The following ME1 variants were observed in gnomAD, a reference collection of about 807,000 sequenced individuals.
ME1 encodes malic enzyme 1, also known as NADP-dependent malic enzyme.
Under a neutral mutation model 66.4 loss-of-function variants are expected in ME1, and 74 were observed. That is an observed-to-expected ratio of 1.11 (90% CI 0.92 to 1.35). ME1 has a LOEUF of 1.35. Ranked by LOEUF, ME1 falls within the 40% of genes most tolerant of loss-of-function variation. ME1 has a pLI of 0.00. For missense variants in ME1, 750 were observed against 694.1 expected, an observed-to-expected ratio of 1.08 and a Z score of -0.90; for synonymous variants, 251 against 235.6, an observed-to-expected ratio of 1.07 and a Z score of -0.60.
chr6:83,254,034 T>C (rs990611726), intron 6 of ME1, among the ~76,000 whole-genome samples: 5 of 152,068 alleles, frequency 3.3e-5, no homozygotes, highest in Non-Finnish European at 5.9e-5. Context: ...TAAGAAGTAA[T>C]ATAAAAGTGG....
At chr6:83,287,271 A>G (rs1316889994) in intron 6 of ME1, among the ~76,000 whole-genome samples, 1 of 152,140 alleles carries the variant, frequency 6.6e-6, no homozygotes. Context: ...TGTCACCTAC[A>G]TTAGGTATTT....
intron 5 of ME1, among the ~76,000 whole-genome samples, chr6:83,325,060 A>G (rs1170343): frequency 0.33 from 49,484 of 152,050 alleles, 8,451 homozygotes; most frequent in Middle Eastern, 0.49. Context: ...CTGGTTCAAC[A>G]TATGCGAATC....
intron 3 of ME1, among the ~76,000 whole-genome samples, chr6:83,375,582 T>C (rs1430865434): frequency 6.6e-6 from 1 of 152,180 alleles, no homozygotes; most frequent in Non-Finnish European, 1.5e-5. Context: ...GAATACCTTT[T>C]ATTTCTTTCT....
At chr6:83,328,570 G>T (rs1229847479) in intron 5 of ME1, among the ~76,000 whole-genome samples, 1 of 152,038 alleles carries the variant, frequency 6.6e-6, no homozygotes, top group Non-Finnish European at 1.5e-5. Flanking sequence ...CATTCTCAGA[G>T]ATTTGGCTGA....
rs529115874 is a variant in ME1, at chr6:83,346,953, T to G, written c.439-619A>C. On this transcript the variant is annotated intron_variant, in intron 4 of 13. Transcript: ENST00000369705. ...TCCTTCCTTCCTTCTTTTATCTTTC[T>G]TTTTTTTCCCTTTTTTCCGAGACGG... 3.3e-5 allele frequency among the ~76,000 whole-genome samples: 5 copies of G among 151,970 alleles called. No homozygotes were observed. In the East Asian group the frequency reaches 9.7e-4, roughly 29 times the overall value.
intron 1 of ME1, among the ~76,000 whole-genome samples, chr6:83,414,620 AAAAG>A (rs1422454279): frequency 6.6e-6 from 1 of 152,108 alleles, no homozygotes; most frequent in Non-Finnish European, 1.5e-5. Flanking sequence ...TTTTTTTAAA[AAAAG>A]AAAGAACACC....
chr6:83,314,692 A>G (rs1235390971), intron 6 of ME1, among the ~76,000 whole-genome samples: 1 of 152,190 alleles, frequency 6.6e-6, no homozygotes, highest in Non-Finnish European at 1.5e-5. Context: ...AATATTTCAA[A>G]ATCTGCATAA....
chr6:83,242,586 A>G (rs901343452), intron 7 of ME1, among the ~76,000 whole-genome samples: 4 of 152,174 alleles, frequency 2.6e-5, no homozygotes, highest in African/African-American at 9.7e-5. Context: ...GAGTAGGAAA[A>G]GCATATGCAA....
At chr6:83,311,764 G>T (rs1371128365) in intron 6 of ME1, among the ~76,000 whole-genome samples, 2 of 152,082 alleles carry the variant, frequency 1.3e-5, no homozygotes, top group Non-Finnish European at 2.9e-5. Flanking sequence ...CTAAGACCAG[G>T]TGAGAATGCT....
At chr6:83,265,548 G>A (rs1471905184) in intron 6 of ME1, among the ~76,000 whole-genome samples, 1 of 152,012 alleles carries the variant, frequency 6.6e-6, no homozygotes, top group African/African-American at 2.4e-5. Context: ...CTATTCACCC[G>A]CCTTAGCCTC....
In ME1 at chr6:83,345,981, T is replaced by C. The variant is rs1768677106; in HGVS notation, c.600+192A>G. Reference sequence around the variant, plus strand: ...ACTAGGGAAGCAAATAAAAGATTAATCACGTTATTAAGATGGGAAAAGGAG... The same window carrying C: ...ACTAGGGAAGCAAATAAAAGATTAACCACGTTATTAAGATGGGAAAAGGAG... On this transcript the variant is annotated intron_variant, in intron 5 of 13. Transcript: ENST00000369705. 2.0e-5 allele frequency among the ~76,000 whole-genome samples: 3 copies of C among 152,068 alleles called. 1 individual carries two copies. In the South Asian group the frequency reaches 6.2e-4, roughly 32 times the overall value.
chr6:83,284,822 C>A (rs948191120), intron 6 of ME1, among the ~76,000 whole-genome samples: 66 of 152,078 alleles, frequency 4.3e-4, no homozygotes, highest in African/African-American at 1.4e-3. Flanking sequence ...CCACTCCTAT[C>A]CAACATAGTA....
chr6:83,303,984 T>C (rs1321779627), intron 6 of ME1, among the ~76,000 whole-genome samples: 1 of 152,182 alleles, frequency 6.6e-6, no homozygotes, highest in African/African-American at 2.4e-5. Context: ...CCAGCCTACA[T>C]CTTTTAACTA....
chr6:83,374,636 T>C (rs1769254293), intron 3 of ME1, among the ~76,000 whole-genome samples: 1 of 152,210 alleles, frequency 6.6e-6, no homozygotes, highest in East Asian at 1.9e-4. Context: ...AATGTTGCAA[T>C]TGCTTTTGGC....
chr6:83,293,597 C>CA lies in ME1; in HGVS notation c.704+21712dup, dbSNP rs879404278. Among the ~76,000 whole-genome samples the CA allele has an allele frequency of 1.3e-3, 200 of 151,228 alleles. 1 individual carries two copies. The Middle Eastern group carries it at 0.017, about 13-fold the overall frequency. On this transcript the variant is annotated intron_variant, in intron 6 of 13. Coordinates refer to ENST00000369705, the MANE Select transcript of ME1 (RefSeq NM_002395.6). ...GCCATGCCTAGAGCTTTAACCAGAA[C>CA]AAAAAAAAATTAACTGAATAGAATA...
At chr6:83,272,139 C>T (rs1144190) in intron 6 of ME1, among the ~76,000 whole-genome samples, 32,866 of 151,952 alleles carry the variant, frequency 0.22, 4,031 homozygotes, top group Middle Eastern at 0.39. Flanking sequence ...TTTTTGTACC[C>T]GTTTTAAAAT....
chr6:83,424,010 C>T lies in ME1; in HGVS notation c.78+6867G>A, dbSNP rs116558528. Among the ~76,000 whole-genome samples the T allele has an allele frequency of 5.9e-3, 869 of 146,508 alleles. 9 individuals carry two copies. The highest frequency in any genetic ancestry group is 0.021 in the African/African-American group (826 of 39,674). On this transcript the variant is annotated intron_variant, in intron 1 of 13. Transcript: ENST00000369705. Reference sequence around the variant, plus strand: ...CTGAAGTTCCAGCTACTCAAGAGGACGGACTGAGTCTGGGAGGTCAAGGCT... The same window carrying T: ...CTGAAGTTCCAGCTACTCAAGAGGATGGACTGAGTCTGGGAGGTCAAGGCT...
chr6:83,389,497 G>A (rs1769578031), intron 3 of ME1, among the ~76,000 whole-genome samples: 1 of 152,084 alleles, frequency 6.6e-6, no homozygotes, highest in Non-Finnish European at 1.5e-5. Context: ...AGCATATTTT[G>A]ATAGAACATT....
At chr6:83,260,263 C>G (rs886232421) in intron 6 of ME1, among the ~76,000 whole-genome samples, 3 of 151,394 alleles carry the variant, frequency 2.0e-5, no homozygotes, top group African/African-American at 7.3e-5. Flanking sequence ...CTAAGAGATT[C>G]TGAGTTCCTT....
Sources: gnomAD v4.1 joint callset for allele counts (sites outside exome capture counted in the v4.1 genomes callset) on GRCh38, gnomAD v4.1.1 for gene constraint, MANE v1.5 for transcripts, NCBI Gene and HGNC (gene_info 2026-07-23, HGNC 2026-07-21) for gene names.